Variants in DOK6 observed in about 807,000 individuals in gnomAD.
DOK6 encodes downstream of tyrosine kinase 6.
DOK6 carries 22 observed loss-of-function variants against 44.0 expected under a neutral mutation model. That is an observed-to-expected ratio of 0.50 (90% CI 0.36 to 0.71). The LOEUF (loss-of-function observed/expected upper bound fraction) is 0.71. Ranked by LOEUF, DOK6 falls within the 30% of genes least tolerant of loss-of-function variation. DOK6 has a pLI of 0.00. For synonymous variants in DOK6, 166 were observed against 145.5 expected (o/e 1.14, Z -1.01); for missense variants, 340 against 416.4 (o/e 0.82, Z 1.60).
chr18:69,795,633 G>A (rs1980721430), intron 7 of DOK6, among the ~76,000 whole-genome samples: 1 of 152,104 alleles, frequency 6.6e-6, no homozygotes, highest in South Asian at 2.1e-4. Flanking sequence ...TGTTTACTAA[G>A]CACCAACTGT....
At chr18:69,784,576 A>C (rs1272159712) in intron 7 of DOK6, among the ~76,000 whole-genome samples, 1 of 152,058 alleles carries the variant, frequency 6.6e-6, no homozygotes, top group Non-Finnish European at 1.5e-5. Context: ...ATTGCATAAG[A>C]TTAAGTGAAA....
intron 5 of DOK6, among the ~76,000 whole-genome samples, chr18:69,718,971 T>G (rs973886413): frequency 3.9e-5 from 6 of 152,160 alleles, no homozygotes; most frequent in Non-Finnish European, 7.3e-5. Context: ...GTTTAATATA[T>G]TCTAGATCTC....
chr18:69,722,495 T>C (rs1425175439), intron 5 of DOK6, among the ~76,000 whole-genome samples: 1 of 152,194 alleles, frequency 6.6e-6, no homozygotes, highest in African/African-American at 2.4e-5. Flanking sequence ...TCAGAGAGGC[T>C]TGTAGAAGTC....
In DOK6 at chr18:69,739,117, C is replaced by T; in HGVS notation, c.738+14C>T. 1 of 1,613,334 alleles carries T rather than the reference C, an allele frequency of 6.2e-7. No homozygotes were observed. ...CAGAAGGCCCGGGTAAGGCCCCTTC[C>T]TTGGTAACCTATCAGCTTGGAAATG... On this transcript the variant is annotated intron_variant, in intron 6 of 7. Transcript: ENST00000382713.
chr18:69,584,223 C>G (rs1425761417), intron 2 of DOK6, among the ~76,000 whole-genome samples: 1 of 151,682 alleles, frequency 6.6e-6, no homozygotes, highest in East Asian at 1.9e-4. Context: ...AATTTTTAAA[C>G]ATTTTTCATA....
rs949025011 is a variant in DOK6 at position 69,752,866 on chromosome 18, A to G, written c.739-4890A>G. 3.9e-5 allele frequency among the ~76,000 whole-genome samples: 6 copies of G among 152,110 alleles called. No homozygotes were observed. In the South Asian group the frequency reaches 6.2e-4, roughly 16 times the overall value. Reference sequence around the variant, plus strand: ...GCAGCCAGGGTGGATGGTGCTGCATATTACCACAGCCAAGGGATCTGAGTT... The same window carrying G: ...GCAGCCAGGGTGGATGGTGCTGCATGTTACCACAGCCAAGGGATCTGAGTT... On this transcript the variant is annotated intron_variant, in intron 6 of 7. Transcript: ENST00000382713.
At chr18:69,645,303 G>A (rs1233135401) in intron 3 of DOK6, among the ~76,000 whole-genome samples, 3 of 152,078 alleles carry the variant, frequency 2.0e-5, no homozygotes, top group Non-Finnish European at 2.9e-5. Flanking sequence ...TGACAACCAC[G>A]AACCTGTTTT....
intron 7 of DOK6, among the ~76,000 whole-genome samples, chr18:69,824,702 A>G (rs770022544): frequency 1.3e-5 from 2 of 152,170 alleles, no homozygotes; most frequent in Non-Finnish European, 2.9e-5. Context: ...AACCACTTCA[A>G]ACCCATTCAC....
chr18:69,415,934 C>T (rs1209374212), intron 1 of DOK6, among the ~76,000 whole-genome samples: 1 of 152,032 alleles, frequency 6.6e-6, no homozygotes, highest in Admixed American at 6.6e-5. Context: ...AGTGAATACA[C>T]TCATCATTTA....
chr18:69,708,020 G>A (rs1373356397), intron 5 of DOK6, among the ~76,000 whole-genome samples: 2 of 152,182 alleles, frequency 1.3e-5, no homozygotes, highest in Admixed American at 6.5e-5. Context: ...CTTCTTAGCG[G>A]ATTTTAGCTG....
intron 7 of DOK6, among the ~76,000 whole-genome samples, chr18:69,758,979 A>G (rs970189445): frequency 1.3e-5 from 2 of 152,210 alleles, no homozygotes; most frequent in African/African-American, 2.4e-5. Context: ...TTAATGGTTA[A>G]AGATATGTTC....
intron 1 of DOK6, among the ~76,000 whole-genome samples, chr18:69,419,855 G>A (rs978781903): frequency 2.0e-5 from 3 of 152,044 alleles, no homozygotes; most frequent in African/African-American, 7.2e-5. Flanking sequence ...CACCATTATG[G>A]TTTTGATTGA....
chr18:69,763,250 A>C (rs1979620024), intron 7 of DOK6, among the ~76,000 whole-genome samples: 1 of 152,192 alleles, frequency 6.6e-6, no homozygotes, highest in Non-Finnish European at 1.5e-5. Context: ...GAGTTATGCC[A>C]CCTCTTCTTG....
intron 6 of DOK6, among the ~76,000 whole-genome samples, chr18:69,749,917 C>A (rs1979116881): frequency 6.7e-6 from 1 of 148,724 alleles, no homozygotes; most frequent in Admixed American, 6.7e-5. Flanking sequence ...GCACTCCTGC[C>A]TGGCGACAGA....
At chr18:69,557,159 AT>A (rs1303580705) in intron 1 of DOK6, among the ~76,000 whole-genome samples, 1 of 152,174 alleles carries the variant, frequency 6.6e-6, no homozygotes, top group African/African-American at 2.4e-5. Flanking sequence ...TCGTTCTATA[AT>A]TTTTTAAATC....
chr18:69,584,189 A>G (rs1451075982), intron 2 of DOK6, among the ~76,000 whole-genome samples: 1 of 151,992 alleles, frequency 6.6e-6, no homozygotes, highest in Non-Finnish European at 1.5e-5. Flanking sequence ...GTATCAAACG[A>G]ATTTAGTAAA....
intron 1 of DOK6, among the ~76,000 whole-genome samples, chr18:69,424,854 A>G (rs1231058269): frequency 2.6e-5 from 4 of 152,158 alleles, no homozygotes; most frequent in Non-Finnish European, 5.9e-5. Flanking sequence ...AGCTTGTTAA[A>G]CATGCACAAC....
intron 6 of DOK6, among the ~76,000 whole-genome samples, chr18:69,753,934 A>G (rs569089869): frequency 1.3e-5 from 2 of 152,258 alleles, no homozygotes; most frequent in East Asian, 1.9e-4. Flanking sequence ...CTTAAAATAC[A>G]TTGTTTAGAA....
intron 1 of DOK6, among the ~76,000 whole-genome samples, chr18:69,468,939 C>T (rs977162142): frequency 2.6e-5 from 4 of 152,102 alleles, no homozygotes; most frequent in African/African-American, 7.2e-5. Flanking sequence ...CAGAGTAAGC[C>T]GCACCCGGAT....
Sources: allele counts gnomAD v4.1 joint callset (sites outside exome capture counted in the v4.1 genomes callset), GRCh38; gene constraint gnomAD v4.1.1; transcripts MANE v1.5; gene names NCBI Gene and HGNC (gene_info 2026-07-23, HGNC 2026-07-21).